The following STAB2 variants were observed in gnomAD, a reference collection of about 807,000 sequenced individuals.
The protein encoded by STAB2 is stabilin-2.
Under a neutral mutation model 338.1 loss-of-function variants are expected in STAB2, and 288 were observed. That is an observed-to-expected ratio of 0.85 (90% CI 0.77 to 0.94). The LOEUF is 0.94. Ranked by LOEUF, STAB2 falls within the 40% of genes least tolerant of loss-of-function variation. The probability of loss-of-function intolerance (pLI) is 0.00; values close to 1 mark genes in which losing one functional copy is unlikely to be tolerated. For missense variants in STAB2, 3,141 were observed against 3,210.1 expected, an observed-to-expected ratio of 0.98 and a Z score of 0.52; for synonymous variants, 1,202 against 1,193.3, an observed-to-expected ratio of 1.01 and a Z score of -0.15.
At chr12:103,614,148 G>C (rs1234859776) in intron 3 of STAB2, among the ~76,000 whole-genome samples, 1 of 152,140 alleles carries the variant, frequency 6.6e-6, no homozygotes, top group Non-Finnish European at 1.5e-5. Flanking sequence ...TGCCTAGTAA[G>C]TTTTATTGAA....
intron 3 of STAB2, among the ~76,000 whole-genome samples, chr12:103,599,820 C>A (rs73394012): frequency 0.025 from 3,867 of 152,302 alleles, 72 homozygotes; most frequent in African/African-American, 0.058. Flanking sequence ...GCCTCCAGAA[C>A]ATGTTGGTTA....
intron 67 of STAB2, 38 bp from the exon 68 acceptor site, chr12:103,763,454 G>T (rs1350152378): frequency 6.3e-7 from 1 of 1,596,914 alleles, no homozygotes; most frequent in Non-Finnish European, 8.6e-7. Context: ...TCCTGCTTTG[G>T]GGATGCTCCT....
chr12:103,671,289 TA>T (rs1291960599), intron 22 of STAB2, among the ~76,000 whole-genome samples: 2 of 152,054 alleles, frequency 1.3e-5, no homozygotes, highest in African/African-American at 2.4e-5. Flanking sequence ...CCATCTCTAC[TA>T]AAAATACAAA....
In STAB2 at chr12:103,708,652, T is replaced by G. The variant is rs574698454; in HGVS notation, c.4288+116T>G. The G allele has an allele frequency of 1.5e-5, 14 of 955,376 alleles. No individual in the cohort carries two copies. In the South Asian group the frequency reaches 2.5e-4, roughly 17 times the overall value. The allele number at this position is 955,376 out of a possible 1,614,324, so 59.2% of individuals were successfully genotyped here. ...TTTTTACTTCTTCTGGCAATAAACATGATTCTTTCTTGCAGCAAAAAGTTT... is the reference window on the plus strand; with the variant it reads ...TTTTTACTTCTTCTGGCAATAAACAGGATTCTTTCTTGCAGCAAAAAGTTT... On this transcript the variant is annotated intron_variant, in intron 39 of 68. Coordinates refer to ENST00000388887, the MANE Select transcript of STAB2 (RefSeq NM_017564.10).
intron 5 of STAB2, among the ~76,000 whole-genome samples, chr12:103,622,348 C>CA (rs11432116): frequency 0.51 from 77,716 of 151,900 alleles, 20,302 homozygotes; most frequent in Non-Finnish European, 0.56. Flanking sequence ...GATTTATAGA[C>CA]AAAAAAAGGG....
At chr12:103,725,566 GTGT>G (rs970542213) in intron 45 of STAB2, among the ~76,000 whole-genome samples, 3 of 152,126 alleles carry the variant, frequency 2.0e-5, no homozygotes, top group African/African-American at 7.2e-5. Flanking sequence ...GTGCGTGCAC[GTGT>G]TAATGTGTGT....
At chr12:103,680,526 C>A (rs1424181119) in intron 25 of STAB2, among the ~76,000 whole-genome samples, 1 of 152,172 alleles carries the variant, frequency 6.6e-6, no homozygotes, top group Non-Finnish European at 1.5e-5. Flanking sequence ...AACTCTTAAG[C>A]AGAATGGAGT....
chr12:103,735,747 T>C (rs1882068622), intron 52 of STAB2, among the ~76,000 whole-genome samples, 167 bp downstream of exon 52: 1 of 152,170 alleles, frequency 6.6e-6, no homozygotes, highest in Non-Finnish European at 1.5e-5. Context: ...GACTGCGTCA[T>C]TGGATATGAA....
rs1883547841 is a variant in STAB2 at position 103,750,610 on chromosome 12, A to G, written c.6470A>G (p.Tyr2157Cys). The change falls in exon 60 of 69, where the codon TAT becomes TGT. Residue 2157 changes from tyrosine to cysteine, a missense_variant. By Grantham distance (194) the Tyr-to-Cys change is radical. Coordinates refer to ENST00000388887, the MANE Select transcript of STAB2 (RefSeq NM_017564.10). ...GKHKCECKSH[Y>C]VGDGLNCEPE... is the part of the protein sequence containing the mutation. Reference sequence around the variant, plus strand: ...CACAAGTGTGAGTGTAAAAGTCACTATGTCGGAGATGGGCTGAACTGTGAG... The same window carrying G: ...CACAAGTGTGAGTGTAAAAGTCACTGTGTCGGAGATGGGCTGAACTGTGAG... 3 of 1,614,226 alleles carry G rather than the reference A, an allele frequency of 1.9e-6. No homozygotes were observed. The highest frequency in any genetic ancestry group is 2.5e-6 in the Non-Finnish European group (3 of 1,180,032).
At chr12:103,723,591 G>A (rs188177676) in intron 44 of STAB2, among the ~76,000 whole-genome samples, 10 of 152,352 alleles carry the variant, frequency 6.6e-5, no homozygotes, top group Admixed American at 1.3e-4. Flanking sequence ...GCAAGCATCT[G>A]TGTACATACC....
chr12:103,742,662 C>T, intron 56 of STAB2, 108 bp downstream of exon 56: 2 of 1,518,614 alleles, frequency 1.3e-6, no homozygotes, highest in Non-Finnish European at 1.8e-6. Flanking sequence ...TCCTTTCTCT[C>T]AGCCACACCC....
chr12:103,675,882 C>A, intron 23 of STAB2, 46 bp from the exon 24 acceptor site: 1 of 1,497,616 alleles, frequency 6.7e-7, no homozygotes, highest in South Asian at 1.2e-5. Flanking sequence ...TCTTCTGGGT[C>A]GTTGGTGCTT....
intron 39 of STAB2, chr12:103,711,167 C>A: frequency 2.6e-6 from 1 of 387,402 alleles, no homozygotes; most frequent in Non-Finnish European, 4.6e-6. Context: ...CATCAACACC[C>A]AGACCATAAG....
At chr12:103,746,305 T>G (rs1359327636) in intron 57 of STAB2, 3 of 243,004 alleles carry the variant, frequency 1.2e-5, no homozygotes, top group African/African-American at 4.5e-5. Flanking sequence ...AGTTCATTCC[T>G]GCTAATAAGT....
chr12:103,749,033 G>A lies in STAB2; in HGVS notation c.6315G>A (p.Lys2105=), dbSNP rs1275504674. 1 of 1,614,132 alleles carries A rather than the reference G, an allele frequency of 6.2e-7. No individual in the cohort carries two copies. The highest frequency in any genetic ancestry group is 1.1e-5 in the South Asian group (1 of 91,074). The part of the protein sequence containing the change: ...KVARCSQKGT[K]VSCSCQKGYK... Reference sequence around the variant, plus strand: ...CCAGATGCTCCCAGAAGGGCACGAAGGTCTCCTGCAGCTGCCAGAAGGGAT... The same window carrying A: ...CCAGATGCTCCCAGAAGGGCACGAAAGTCTCCTGCAGCTGCCAGAAGGGAT... Residue 2105 remains lysine (K), a synonymous_variant, in exon 59 of 69, where the codon AAG becomes AAA. Transcript: ENST00000388887.
intron 19 of STAB2, among the ~76,000 whole-genome samples, chr12:103,667,128 A>T (rs1875181974): frequency 6.6e-6 from 1 of 152,250 alleles, no homozygotes; most frequent in African/African-American, 2.4e-5. Context: ...AGAATAGATC[A>T]TTAGGTAAGG....
chr12:103,751,386 A>T (rs1280682526), intron 60 of STAB2, among the ~76,000 whole-genome samples: 2 of 152,178 alleles, frequency 1.3e-5, no homozygotes, highest in Admixed American at 6.5e-5. Context: ...GAGGAGTGAG[A>T]TGAGGTTGAA....
At chr12:103,636,504 T>C (rs1046642105) in intron 6 of STAB2, among the ~76,000 whole-genome samples, 1 of 151,908 alleles carries the variant, frequency 6.6e-6, no homozygotes, top group Non-Finnish European at 1.5e-5. Context: ...CCTCCTATAA[T>C]GAAACCCACT....
At position 103,641,252 on chromosome 12, in the gene STAB2, A is replaced by G. The variant is rs556947348; in HGVS notation, c.1040+996A>G. 3.7e-4 allele frequency among the ~76,000 whole-genome samples: 56 copies of G among 152,272 alleles called. 2 individuals are homozygous for G. The South Asian group carries it at 0.012, about 32-fold the overall frequency. The stretch of plus-strand genomic sequence containing the variant: ...ACAGGTTGTATTATCATCATGTCCT[A>G]TCTGGACAAATAAATAGATCTGTAC... On this transcript the variant is annotated intron_variant, in intron 9 of 68. Transcript: ENST00000388887.
Sources: gnomAD v4.1 joint callset for allele counts (sites outside exome capture counted in the v4.1 genomes callset) on GRCh38, gnomAD v4.1.1 for gene constraint, MANE v1.5 for transcripts, NCBI Gene and HGNC (gene_info 2026-07-23, HGNC 2026-07-21) for gene names.